MNT: variants seen among roughly 807,000 people sequenced by gnomAD.
MNT encodes max-binding protein MNT.
A neutral mutation model predicts 40.7 loss-of-function variants in MNT; 13 were observed. The observed-to-expected ratio is 0.32, with a 90% CI of 0.21 to 0.51. The LOEUF (loss-of-function observed/expected upper bound fraction) is 0.51, where lower values mean the gene tolerates loss of function less well. Among genes scored for constraint, MNT ranks in the 20% least tolerant of loss-of-function variants. The probability of loss-of-function intolerance (pLI) is 0.98; values close to 1 mark genes in which losing one functional copy is unlikely to be tolerated. For missense variants in MNT, 757 were observed against 792.0 expected (o/e 0.96, Z 0.53); for synonymous variants, 426 against 354.8 (o/e 1.20, Z -2.26).
rs748101580 is a variant in MNT at position 2,387,242 on chromosome 17, T to C, written c.1408A>G (p.Ile470Val). ...QGPGGKHIAH[I>V]APSAPSPAVQ... ...GCAGGGCTGGGGGCCGAGGGGGCGA[T>C]GTGGGCGATGTGCTTGCCGCCTGGC... is the stretch of plus-strand genomic sequence containing the variant. Residue 470 changes from isoleucine to valine, a missense_variant, in exon 6 of 6, where the codon ATC becomes GTC. Ile to Val is a conservative substitution (Grantham distance 29). Around this residue, in one of 4 missense-constraint regions of MNT, gnomAD observed 345 missense variants for 380.1 expected, o/e 0.91. Transcript: ENST00000174618. The C allele has an allele frequency of 1.3e-5, 21 of 1,612,006 alleles. No individual in the cohort carries two copies. In the South Asian group the frequency reaches 2.3e-4, roughly 18 times the overall value.
intron 4 of MNT, among the ~76,000 whole-genome samples, chr17:2,389,114 GACC>G (rs936078784): frequency 6.6e-6 from 1 of 151,792 alleles, no homozygotes; most frequent in Non-Finnish European, 1.5e-5. Context: ...CGTGCTCCAA[GACC>G]ACATCTCAGC....
intron 4 of MNT, chr17:2,390,087 A>T (rs2066501067): frequency 1.3e-5 from 2 of 152,248 alleles, no homozygotes; most frequent in African/African-American, 4.8e-5. Context: ...TTCCGCCTCA[A>T]CACACACTGT....
intron 1 of MNT, among the ~76,000 whole-genome samples, chr17:2,397,714 C>T (rs1462565589): frequency 9.9e-5 from 15 of 152,134 alleles, no homozygotes; most frequent in Admixed American, 8.5e-4. Flanking sequence ...TGCCCCTGGC[C>T]AGATCCAGCC....
chr17:2,395,076 G>A lies in MNT; in HGVS notation c.452C>T (p.Pro151Leu), dbSNP rs756153114. The change falls in exon 2 of 6, where the codon CCG (proline) becomes CTG (leucine). Residue 151 changes from proline (P) to leucine (L), a missense_variant. Physicochemically the swap from Pro to Leu is moderately conservative, Grantham distance 98 (BLOSUM62 -3). Around this residue, in one of 4 missense-constraint regions of MNT, gnomAD observed 335 missense variants for 291.4 expected, o/e 1.15. Coordinates refer to ENST00000174618, the MANE Select transcript of MNT (RefSeq NM_020310.3). The stretch of plus-strand genomic sequence containing the variant: ...GGGTGGAATGGTGGCCTTCGAGTCC[G>A]GCAGTAGGGGAGCAGGGGTGGGCAC... ...PQVPTPAPLL[P>L]DSKATIPPNG... is the part of the protein sequence containing the mutation. The A allele has an allele frequency of 6.5e-6, 10 of 1,535,404 alleles. No individual in the cohort carries two copies. The Admixed American group carries it at 1.0e-4, about 16-fold the overall frequency.
intron 4 of MNT, 93 bp downstream of exon 4, chr17:2,393,950 C>T (rs2066550120): frequency 7.7e-6 from 6 of 776,588 alleles, no homozygotes; most frequent in Admixed American, 4.5e-5. Flanking sequence ...GGGGAGCCGC[C>T]GGGGCGTGAG....
At position 2,384,603 on chromosome 17, in the gene MNT, T is replaced by TGTGCGTGC. The variant is rs1323979660; in HGVS notation, c.*2297_*2298insGCACGCAC. On this transcript the variant is annotated 3_prime_UTR_variant, in exon 6 of 6. Coordinates refer to ENST00000174618, the MANE Select transcript of MNT (RefSeq NM_020310.3). The stretch of plus-strand genomic sequence containing the variant: ...AGATGTGTGCGTGTGCGTGCGTGTG[T>TGTGCGTGC]GTGTGTGTGTGTGTGTGTGTGTGTC... The TGTGCGTGC allele has an allele frequency of 6.7e-6, 1 of 150,318 alleles. No individual in the cohort carries two copies. The highest frequency in any genetic ancestry group is 1.5e-5 in the Non-Finnish European group (1 of 67,266). The allele number at this position is 150,318 out of a possible 1,614,324, so 9.3% of individuals were successfully genotyped here. A position where few individuals can be genotyped will look rare whatever the true frequency, so the allele number is the denominator to read the frequency against.
At chr17:2,387,820 T>G (rs770998556) in intron 5 of MNT, 37 bp downstream of exon 5, 4 of 1,557,862 alleles carry the variant, frequency 2.6e-6, no homozygotes, top group South Asian at 2.3e-5. Context: ...GTGTAACATC[T>G]GAGGGCTGGG....
chr17:2,394,198 G>A (rs970237349), intron 3 of MNT, 44 bp from the exon 4 acceptor site: 1 of 1,602,674 alleles, frequency 6.2e-7, no homozygotes, highest in Non-Finnish European at 8.5e-7. Context: ...CTGGGGCGGG[G>A]CTGGGACGGG....
intron 3 of MNT, 38 bp downstream of exon 3, chr17:2,394,267 A>T (rs374759866): frequency 3.4e-6 from 5 of 1,482,250 alleles, no homozygotes; most frequent in Non-Finnish European, 4.5e-6. Flanking sequence ...TCGCGCGCGC[A>T]CGCACGCACG....
At chr17:2,399,178 G>A (rs1337094592) in intron 1 of MNT, among the ~76,000 whole-genome samples, 1 of 152,170 alleles carries the variant, frequency 6.6e-6, no homozygotes, top group Non-Finnish European at 1.5e-5. Flanking sequence ...CTGGGGGGCG[G>A]GGAGGGCACA....
Position 2,387,082 on chromosome 17 carries a change from G to A in MNT, c.1568C>T (p.Thr523Ile). 1 of 1,571,948 alleles carries A rather than the reference G, an allele frequency of 6.4e-7. No individual in the cohort carries two copies. The highest frequency in any genetic ancestry group is 8.6e-7 in the Non-Finnish European group (1 of 1,158,910). ...QPVAVSHIAH[T>I]LSHQQVNGTA... ...GCCGTTGACTTGCTGGTGCGAGAGGGTGTGGGCGATGTGGCTCACTGCCAC... is the reference window on the plus strand; with the variant it reads ...GCCGTTGACTTGCTGGTGCGAGAGGATGTGGGCGATGTGGCTCACTGCCAC... The change falls in exon 6 of 6, where the codon ACC (threonine) becomes ATC (isoleucine). Residue 523 changes from threonine to isoleucine, a missense_variant. By Grantham distance (89) the Thr-to-Ile change is moderately conservative (BLOSUM62 -1). Transcript: ENST00000174618.
At chr17:2,394,824 TG>T in intron 2 of MNT, 50 bp downstream of exon 2, 3 of 1,376,410 alleles carry the variant, frequency 2.2e-6, no homozygotes, top group Non-Finnish European at 3.0e-6. Flanking sequence ...GCCCGGGGGA[TG>T]GGCACCTCTC....
intron 1 of MNT, among the ~76,000 whole-genome samples, chr17:2,399,041 ACGGCGGCGCG>A (rs1319795804): frequency 2.2e-5 from 3 of 136,478 alleles, no homozygotes; most frequent in Non-Finnish European, 4.7e-5. Flanking sequence ...GCGGCGGCAC[ACGGCGGCGCG>A]CGCGCACACA....
In MNT at chr17:2,386,797, G is replaced by C; in HGVS notation, c.*104C>G. On this transcript the variant is annotated 3_prime_UTR_variant, in exon 6 of 6. Coordinates refer to ENST00000174618, the MANE Select transcript of MNT (RefSeq NM_020310.3). The stretch of plus-strand genomic sequence containing the variant: ...CTAGGAGGCCTGGGGGTGGGTGGGG[G>C]GGCTGGCCTGGGCCTGGCTGGAATG... 8.1e-7 allele frequency: 1 copy of C among 1,236,710 alleles called. No individual in the cohort carries two copies. The highest frequency in any genetic ancestry group is 1.1e-6 in the Non-Finnish European group (1 of 928,026). The allele number at this position is 1,236,710 out of a possible 1,614,324, so 76.6% of individuals were successfully genotyped here. A position where few individuals can be genotyped will look rare whatever the true frequency, so the allele number is the denominator to read the frequency against.
At chr17:2,393,158 C>T (rs2066538302) in intron 4 of MNT, among the ~76,000 whole-genome samples, 1 of 129,638 alleles carries the variant, frequency 7.7e-6, no homozygotes, top group Non-Finnish European at 1.7e-5. Flanking sequence ...CCAACGCGGG[C>T]TGGGAGCCCC....
chr17:2,395,374 T>C lies in MNT; in HGVS notation c.154A>G (p.Thr52Ala). ...KANSLARLAH[T>A]LPVEEPRMEA... ...ATGCGGGGTTCCTCCACAGGAAGGGTATGTGCCAGCCTGGCCAGGCTATTG... is the reference window on the plus strand; with the variant it reads ...ATGCGGGGTTCCTCCACAGGAAGGGCATGTGCCAGCCTGGCCAGGCTATTG... Residue 52 changes from threonine (T) to alanine (A), a missense_variant, in exon 2 of 6, where the codon ACC (threonine) becomes GCC (alanine). Transcript: ENST00000174618. 1 of 1,612,776 alleles carries C rather than the reference T, an allele frequency of 6.2e-7. No homozygotes were observed. Among genetic ancestry groups the C allele is most frequent in the Non-Finnish European group, 8.5e-7 (1 of 1,179,692 alleles).
At chr17:2,398,967 C>T (rs2066595611) in intron 1 of MNT, among the ~76,000 whole-genome samples, 1 of 151,948 alleles carries the variant, frequency 6.6e-6, no homozygotes, top group Non-Finnish European at 1.5e-5. Context: ...AGGCCGCCGG[C>T]CCCGCAGCTC....
At chr17:2,394,277 G>GCACGCGCACGCACGCACA (rs539682697) in intron 3 of MNT, 28 bp downstream of exon 3, 1 of 1,169,952 alleles carries the variant, frequency 8.5e-7, no homozygotes, top group Non-Finnish European at 1.2e-6. Flanking sequence ...ACGCACGCAC[G>GCACGCGCACGCACGCACA]CACACACACA....
chr17:2,389,663 T>C, intron 4 of MNT: 1 of 152,492 alleles, frequency 6.6e-6, no homozygotes. Context: ...TCTGTCCCCT[T>C]CTCTCCCTGT....
Sources: allele counts gnomAD v4.1 joint callset (sites outside exome capture counted in the v4.1 genomes callset), GRCh38; gene constraint gnomAD v4.1.1; regional missense constraint gnomAD v4.1.1; transcripts MANE v1.5; gene names NCBI Gene and HGNC (gene_info 2026-07-23, HGNC 2026-07-21).